The following LEKR1 variants were observed in gnomAD, a reference collection of about 807,000 sequenced individuals.
The protein encoded by LEKR1 is protein LEKR1.
A neutral mutation model predicts 72.4 loss-of-function variants in LEKR1; 59 were observed. The observed-to-expected ratio is 0.82, with a 90% CI of 0.66 to 1.01. The LOEUF is 1.01. LEKR1 is among the 50% of genes least tolerant of loss of function. The pLI, the probability that LEKR1 is intolerant of heterozygous loss-of-function variation, is 0.00. For missense variants in LEKR1, 728 were observed against 759.2 expected, an observed-to-expected ratio of 0.96 and a Z score of 0.48; for synonymous variants, 257 against 263.2, an observed-to-expected ratio of 0.98 and a Z score of 0.23.
intron 7 of LEKR1, among the ~76,000 whole-genome samples, chr3:156,987,302 G>A (rs1157916374): frequency 6.6e-6 from 1 of 152,122 alleles, no homozygotes; most frequent in East Asian, 1.9e-4. Flanking sequence ...TAACTGGTGT[G>A]GGGCAGGGGA....
chr3:156,980,214 T>G (rs879866060), intron 7 of LEKR1, among the ~76,000 whole-genome samples: 3 of 152,152 alleles, frequency 2.0e-5, no homozygotes, highest in Non-Finnish European at 4.4e-5. Flanking sequence ...CATAAATATT[T>G]AGAATGCTTA....
chr3:157,005,033 T>G (rs373644231), intron 9 of LEKR1, among the ~76,000 whole-genome samples: 2 of 151,828 alleles, frequency 1.3e-5, no homozygotes, highest in South Asian at 2.1e-4. Context: ...TTAATAAACC[T>G]CAAGGTAGAC....
chr3:156,907,068 A>C (rs1722600239), intron 3 of LEKR1, among the ~76,000 whole-genome samples: 1 of 152,094 alleles, frequency 6.6e-6, no homozygotes. Flanking sequence ...ACATGTAATG[A>C]GACTGTCTGG....
intron 10 of LEKR1, among the ~76,000 whole-genome samples, chr3:157,014,759 T>C (rs1410530226): frequency 6.6e-6 from 1 of 152,128 alleles, no homozygotes; most frequent in Non-Finnish European, 1.5e-5. Context: ...ACCACTAATC[T>C]AGATAACAAA....
chr3:156,989,958 T>C (rs755108241), intron 7 of LEKR1, among the ~76,000 whole-genome samples: 30 of 152,276 alleles, frequency 2.0e-4, no homozygotes, highest in Middle Eastern at 3.4e-3. Flanking sequence ...TTACATACAA[T>C]ACTTTAATCT....
At chr3:157,010,420 G>T (rs1352216060) in intron 9 of LEKR1, among the ~76,000 whole-genome samples, 1 of 152,054 alleles carries the variant, frequency 6.6e-6, no homozygotes, top group African/African-American at 2.4e-5. Context: ...AGAAAGGAAA[G>T]ATCATAGGAG....
intron 9 of LEKR1, among the ~76,000 whole-genome samples, chr3:157,007,187 C>T (rs773763829): frequency 5.3e-5 from 8 of 151,940 alleles, no homozygotes; most frequent in African/African-American, 1.5e-4. Context: ...GGCCACAGAG[C>T]GAGACTCTGT....
chr3:157,026,529 C>A (rs1269881999), intron 11 of LEKR1, among the ~76,000 whole-genome samples: 1 of 152,152 alleles, frequency 6.6e-6, no homozygotes, highest in Admixed American at 6.6e-5. Context: ...CTGTGCAGAC[C>A]TGACAGTGGC....
chr3:156,963,465 G>C (rs1728298437), intron 6 of LEKR1, among the ~76,000 whole-genome samples: 1 of 152,068 alleles, frequency 6.6e-6, no homozygotes, highest in South Asian at 2.1e-4. Flanking sequence ...GAATAATAGT[G>C]ACAGTGTCTA....
chr3:156,911,495 C>T (rs1392133754), intron 3 of LEKR1, among the ~76,000 whole-genome samples: 1 of 152,086 alleles, frequency 6.6e-6, no homozygotes, highest in Non-Finnish European at 1.5e-5. Context: ...TGTGCAGAAG[C>T]TCTTTAGTTT....
intron 3 of LEKR1, among the ~76,000 whole-genome samples, chr3:156,895,316 A>C (rs1051369661): frequency 2.2e-4 from 33 of 152,226 alleles, no homozygotes; most frequent in African/African-American, 7.0e-4. Flanking sequence ...GAGAAATGCA[A>C]ATCAAAACCA....
At chr3:156,877,808 C>T (rs969202865) in intron 3 of LEKR1, among the ~76,000 whole-genome samples, 6 of 151,974 alleles carry the variant, frequency 3.9e-5, no homozygotes, top group South Asian at 2.1e-4. Context: ...TTTGAGACAA[C>T]GTCTCGCTCT....
chr3:156,989,784 T>C (rs1731000459), intron 7 of LEKR1, among the ~76,000 whole-genome samples: 1 of 151,840 alleles, frequency 6.6e-6, no homozygotes, highest in South Asian at 2.1e-4. Flanking sequence ...CTCTCCCTCT[T>C]TACCCTCCTT....
At chr3:156,897,137 A>C (rs1004103712) in intron 3 of LEKR1, among the ~76,000 whole-genome samples, 29 of 152,202 alleles carry the variant, frequency 1.9e-4, no homozygotes, top group Admixed American at 2.0e-4. Flanking sequence ...TTTGCACACC[A>C]AACCCTGTGA....
At chr3:157,040,181 C>T (rs1269528255) in intron 12 of LEKR1, among the ~76,000 whole-genome samples, 1 of 152,090 alleles carries the variant, frequency 6.6e-6, no homozygotes, top group Non-Finnish European at 1.5e-5. Context: ...TTAATTAGTG[C>T]TAGTTAAATT....
chr3:156,917,903 G>A (rs1004162966), intron 3 of LEKR1, among the ~76,000 whole-genome samples: 3 of 152,046 alleles, frequency 2.0e-5, no homozygotes. Context: ...GACTATAGCA[G>A]GGGAATAGAA....
intron 12 of LEKR1, among the ~76,000 whole-genome samples, chr3:157,030,446 A>G (rs1734518704): frequency 6.6e-6 from 1 of 152,152 alleles, no homozygotes; most frequent in Non-Finnish European, 1.5e-5. Flanking sequence ...CCTGCTCTCA[A>G]AGAAGAATTT....
At position 156,913,526 on chromosome 3, in the gene LEKR1, A is replaced by G. The variant is rs532555049; in HGVS notation, c.264-7049A>G. On this transcript the variant is annotated intron_variant, in intron 3 of 12. Coordinates refer to ENST00000356539, the MANE Select transcript of LEKR1 (RefSeq NM_001004316.3). ...CTTTCCCACCTGACCTGCTCAAAACATATAATTAACTTTCCCTGAAAGAAT... is the reference window on the plus strand; with the variant it reads ...CTTTCCCACCTGACCTGCTCAAAACGTATAATTAACTTTCCCTGAAAGAAT... Among the ~76,000 whole-genome samples the G allele has an allele frequency of 1.2e-4, 18 of 152,310 alleles. No individual in the cohort carries two copies. In the South Asian group the frequency reaches 3.1e-3, roughly 26 times the overall value.
At chr3:156,857,960 T>A (rs1473687940) in intron 3 of LEKR1, among the ~76,000 whole-genome samples, 1 of 152,222 alleles carries the variant, frequency 6.6e-6, no homozygotes, top group Non-Finnish European at 1.5e-5. Context: ...TCTTTGAAGA[T>A]TTGGTAGATC....
Sources: allele counts gnomAD v4.1 joint callset (sites outside exome capture counted in the v4.1 genomes callset), GRCh38; gene constraint gnomAD v4.1.1; transcripts MANE v1.5; gene names NCBI Gene and HGNC (gene_info 2026-07-23, HGNC 2026-07-21).